The following GPR143 variants were observed in gnomAD, a reference collection of about 807,000 sequenced individuals.
The protein encoded by GPR143 is G protein-coupled receptor 143.
A neutral mutation model predicts 27.6 loss-of-function variants in GPR143; 8 were observed. The ratio of observed to expected loss-of-function variants is 0.29; its 90% CI spans 0.17 to 0.52. The LOEUF (loss-of-function observed/expected upper bound fraction) is 0.52. Ranked by LOEUF, GPR143 falls within the 20% of genes least tolerant of loss-of-function variation. GPR143 has a pLI of 0.96. For synonymous variants in GPR143, 156 were observed against 153.2 expected (o/e 1.02, Z -0.13); for missense variants, 303 against 343.1 (o/e 0.88, Z 0.92).
At chrX:9,747,052 A>C (rs1404030197) in intron 4 of GPR143, among the ~76,000 whole-genome samples, 1 of 107,050 alleles carries the variant, frequency 9.3e-6, no homozygotes, top group Non-Finnish European at 1.9e-5. Context: ...GGTGGGAAAA[A>C]TGCAATACCC....
intron 5 of GPR143, 91 bp from the exon 6 acceptor site, chrX:9,743,764 A>G: frequency 1.7e-6 from 1 of 594,135 alleles, no homozygotes; most frequent in Non-Finnish European, 3.0e-6. Flanking sequence ...TGAGCCCACA[A>G]GCAAGGCCAG....
intron 1 of GPR143, among the ~76,000 whole-genome samples, chrX:9,761,623 TC>T (rs1555916195): frequency 8.1e-5 from 2 of 24,567 alleles, no homozygotes; most frequent in South Asian, 2.2e-3. Flanking sequence ...GTTCCTTCAT[TC>T]TTTTTTAAAC....
At chrX:9,774,220 C>T (rs925870560) in intron 1 of GPR143, among the ~76,000 whole-genome samples, 1 of 112,450 alleles carries the variant, frequency 8.9e-6, no homozygotes, top group Admixed American at 9.4e-5. Flanking sequence ...ATCCTATCTC[C>T]TACCAAAGTC....
upstream of GPR143, chrX:9,766,153 T>G: frequency 6.8e-6 from 1 of 147,432 alleles, no homozygotes; most frequent in Non-Finnish European, 1.3e-5. Context: ...TCCTGGTGGT[T>G]TCTCTGCCAC....
At chrX:9,746,708 G>A (rs1465176906) in intron 4 of GPR143, among the ~76,000 whole-genome samples, 1 of 110,822 alleles carries the variant, frequency 9.0e-6, no homozygotes, top group Non-Finnish European at 1.9e-5. Context: ...TTTCTACTGA[G>A]GGGTCATAGG....
intron 3 of GPR143, among the ~76,000 whole-genome samples, chrX:9,758,302 G>C (rs1034314511): frequency 8.0e-5 from 9 of 111,905 alleles, no homozygotes; most frequent in Non-Finnish European, 3.8e-5. Context: ...AGCTGGCAAC[G>C]TTTCAGGACT....
chrX:9,751,161 C>A (rs1027675044), intron 3 of GPR143, among the ~76,000 whole-genome samples: 2 of 112,905 alleles, frequency 1.8e-5, no homozygotes, highest in Non-Finnish European at 3.7e-5. Context: ...CTTCCTGTGC[C>A]ACTACGCTAA....
intron 3 of GPR143, among the ~76,000 whole-genome samples, chrX:9,755,379 T>C (rs1478038301): frequency 9.0e-6 from 1 of 110,937 alleles, no homozygotes; most frequent in Non-Finnish European, 1.9e-5. Flanking sequence ...GATCGTGCCA[T>C]TGCACTCTGG....
At chrX:9,758,262 C>T (rs1352173752) in intron 3 of GPR143, among the ~76,000 whole-genome samples, 1 of 111,640 alleles carries the variant, frequency 9.0e-6, no homozygotes, top group African/African-American at 3.3e-5. Flanking sequence ...ATGTGCAGCC[C>T]ACCTACTGTA....
At chrX:9,726,617 A>G (rs1018256190) in intron 8 of GPR143, among the ~76,000 whole-genome samples, 5 of 111,901 alleles carry the variant, frequency 4.5e-5, no homozygotes, top group Admixed American at 1.9e-4. Context: ...CGCTGGAGAC[A>G]TTTTTCTCAG....
intron 8 of GPR143, among the ~76,000 whole-genome samples, chrX:9,736,676 T>C (rs1418476723): frequency 9.0e-6 from 1 of 111,721 alleles, no homozygotes; most frequent in Non-Finnish European, 1.9e-5. Context: ...TGACAGATGT[T>C]ACCTAATAAT....
At position 9,731,296 on chromosome X, in the gene GPR143, G is replaced by A. The variant is rs761535265; in HGVS notation, c.1121-5456C>T. ...AGGCAGGAGAATCGCTTGAGCCCAG[G>A]AGGCAGAGGTTGCAGTGAGCTGAAA... On this transcript the variant is annotated intron_variant, in intron 8 of 8. Coordinates refer to ENST00000467482, the MANE Select transcript of GPR143 (RefSeq NM_000273.3). Among the ~76,000 whole-genome samples, 80 of 111,201 alleles carry A rather than the reference G, an allele frequency of 7.2e-4. 2 individuals are homozygous for A. In the Admixed American group the frequency reaches 7.5e-3, roughly 10 times the overall value.
chrX:9,739,763 G>T, intron 7 of GPR143, 44 bp from the exon 8 acceptor site: 1 of 873,021 alleles, frequency 1.1e-6, no homozygotes. Context: ...GTGCAGCGTA[G>T]CAGAAGTCAG....
In GPR143 at chrX:9,745,132, G is replaced by A. The variant is rs951488852; in HGVS notation, c.658+912C>T. Among the ~76,000 whole-genome samples the A allele has an allele frequency of 3.2e-4, 36 of 111,108 alleles. 1 individual carries two copies. The highest frequency in any genetic ancestry group is 1.9e-5 in the Non-Finnish European group (1 of 52,899). ...TAGCCGGGCGTGGTGGCGCTTGCCT[G>A]TAGTCCCAGCTACTCAGGAGGCTGA... On this transcript the variant is annotated intron_variant, in intron 5 of 8. Transcript: ENST00000467482.
At chrX:9,761,795 C>T (rs1024048238) in intron 1 of GPR143, among the ~76,000 whole-genome samples, 1 of 112,719 alleles carries the variant, frequency 8.9e-6, no homozygotes, top group Middle Eastern at 4.6e-3. Flanking sequence ...ATGCAATATC[C>T]GTTGTTTAAA....
chrX:9,774,958 G>C (rs2083566576), intron 1 of GPR143, among the ~76,000 whole-genome samples: 1 of 110,962 alleles, frequency 9.0e-6, no homozygotes, highest in Admixed American at 9.6e-5. Flanking sequence ...TGACCTCCCG[G>C]GCTCAAGCGA....
At chrX:9,755,672 T>C (rs1420607857) in intron 3 of GPR143, among the ~76,000 whole-genome samples, 2 of 110,662 alleles carry the variant, frequency 1.8e-5, no homozygotes, top group Non-Finnish European at 3.8e-5. Context: ...AGCAGCTATA[T>C]TGGGCCATGA....
chrX:9,734,839 GC>G (rs758146373), intron 8 of GPR143, among the ~76,000 whole-genome samples: 1 of 111,920 alleles, frequency 8.9e-6, no homozygotes, highest in Non-Finnish European at 1.9e-5. Flanking sequence ...GCCAGGCCAT[GC>G]CCCCCTGGCT....
chrX:9,749,562 T>C (rs1224845131), intron 3 of GPR143, among the ~76,000 whole-genome samples: 1 of 112,092 alleles, frequency 8.9e-6, no homozygotes, highest in Admixed American at 9.5e-5. Flanking sequence ...CTGGCTTCCT[T>C]CACTCAGCAT....
Sources: gnomAD v4.1 joint callset for allele counts (sites outside exome capture counted in the v4.1 genomes callset) on GRCh38, gnomAD v4.1.1 for gene constraint, MANE v1.5 for transcripts, NCBI Gene and HGNC (gene_info 2026-07-23, HGNC 2026-07-21) for gene names.